The following CPNE4 variants were observed in gnomAD, a reference collection of about 807,000 sequenced individuals.
CPNE4 encodes copine 4.
CPNE4 carries 25 observed loss-of-function variants against 67.9 expected under a neutral mutation model. The observed-to-expected ratio is 0.37, with a 90% CI of 0.27 to 0.51. CPNE4 has a LOEUF of 0.51. Among genes scored for constraint, CPNE4 ranks in the 20% least tolerant of loss-of-function variants. CPNE4 has a pLI of 0.93. For missense variants in CPNE4, 464 were observed against 690.8 expected (o/e 0.67, Z 3.68); for synonymous variants, 242 against 244.9 (o/e 0.99, Z 0.11).
chr3:131,980,896 AG>A (rs1330065911), intron 1 of CPNE4, among the ~76,000 whole-genome samples: 4 of 152,210 alleles, frequency 2.6e-5, no homozygotes, highest in East Asian at 1.9e-4. Flanking sequence ...CCCTTGTTGT[AG>A]TACTCTCCCC....
At chr3:131,558,417 A>G (rs1936583056) in intron 11 of CPNE4, among the ~76,000 whole-genome samples, 1 of 152,062 alleles carries the variant, frequency 6.6e-6, no homozygotes, top group Non-Finnish European at 1.5e-5. Flanking sequence ...GCAAAGGGCC[A>G]TTTAGCAACT....
At chr3:131,702,869 A>G (rs1471937960) in intron 3 of CPNE4, among the ~76,000 whole-genome samples, 1 of 152,236 alleles carries the variant, frequency 6.6e-6, no homozygotes, top group Non-Finnish European at 1.5e-5. Context: ...CTAGGAAGAT[A>G]AGCAATTTCC....
At chr3:131,838,292 A>ATC (rs1315662243) in intron 2 of CPNE4, among the ~76,000 whole-genome samples, 3 of 152,000 alleles carry the variant, frequency 2.0e-5, no homozygotes, top group Non-Finnish European at 4.4e-5. Context: ...TTCAATATAT[A>ATC]TTAGAAAAAA....
At chr3:131,641,488 G>T (rs1378929716) in intron 7 of CPNE4, among the ~76,000 whole-genome samples, 1 of 152,052 alleles carries the variant, frequency 6.6e-6, no homozygotes, top group Non-Finnish European at 1.5e-5. Flanking sequence ...CTGCAAAAAT[G>T]GCCATGATAA....
intron 2 of CPNE4, among the ~76,000 whole-genome samples, chr3:131,726,757 G>C (rs2107752659): frequency 8.4e-6 from 1 of 119,560 alleles, no homozygotes; most frequent in East Asian, 2.7e-4. Flanking sequence ...TCAGATTCCT[G>C]TTTCCTAACC....
In CPNE4 at chr3:131,949,064, T is replaced by G. The variant is rs908701459; in HGVS notation, c.-1-43620A>C. On this transcript the variant is annotated intron_variant, in intron 1 of 15. Transcript: ENST00000429747. ...ATTTTTTTCTTATCTGTAGAGATAA[T>G]ATAAACCTTGCAGGGTATTGTCATG... is the stretch of plus-strand genomic sequence containing the variant. Among the ~76,000 whole-genome samples the G allele has an allele frequency of 5.9e-5, 9 of 152,322 alleles. No individual in the cohort carries two copies. The East Asian group carries it at 9.6e-4, about 16-fold the overall frequency.
rs2086512487 is a variant in CPNE4 at position 131,857,850 on chromosome 3, C to T, written c.180+47414G>A. Among the ~76,000 whole-genome samples the T allele has an allele frequency of 3.9e-5, 6 of 151,942 alleles. No homozygotes were observed. In the South Asian group the frequency reaches 1.2e-3, roughly 31 times the overall value. ...AAATCCAATACAATCCTCATTTCTC[C>T]TAACAACATAGCAATTTCCAGCAGG... On this transcript the variant is annotated intron_variant, in intron 2 of 15. Transcript: ENST00000429747.
intron 1 of CPNE4, among the ~76,000 whole-genome samples, chr3:131,986,306 C>T (rs1328524859): frequency 6.6e-6 from 1 of 152,144 alleles, no homozygotes; most frequent in Non-Finnish European, 1.5e-5. Flanking sequence ...TTCAAGCTAC[C>T]AACATGATGT....
chr3:131,873,721 T>A (rs550010221), intron 2 of CPNE4, among the ~76,000 whole-genome samples: 1 of 152,308 alleles, frequency 6.6e-6, no homozygotes, highest in Non-Finnish European at 1.5e-5. Context: ...TCTAGAAGGA[T>A]GACTGACCCA....
Position 131,976,605 on chromosome 3 carries a change from CA to C in CPNE4, c.-2+57961del, listed in dbSNP as rs556901107. On this transcript the variant is annotated intron_variant, in intron 1 of 15. Transcript: ENST00000429747. ...AGAGGAAAAGCAATTAAGGGAAGCT[CA>C]GGGGGAGAAATCATAAAAAAAGATC... 1.1e-4 allele frequency among the ~76,000 whole-genome samples: 16 copies of C among 151,998 alleles called. No individual in the cohort carries two copies. In the East Asian group the frequency reaches 3.1e-3, roughly 29 times the overall value.
intron 2 of CPNE4, among the ~76,000 whole-genome samples, chr3:131,848,907 G>A (rs1357643202): frequency 7.6e-6 from 1 of 131,108 alleles, no homozygotes; most frequent in Non-Finnish European, 1.6e-5. Flanking sequence ...ATTGAAGAAG[G>A]CGTTTTTTTT....
chr3:131,947,388 C>T (rs746521888), intron 1 of CPNE4, among the ~76,000 whole-genome samples: 4 of 152,088 alleles, frequency 2.6e-5, no homozygotes, highest in Non-Finnish European at 5.9e-5. Context: ...TCTCCCCTTT[C>T]CTCCCACCCC....
intron 5 of CPNE4, among the ~76,000 whole-genome samples, chr3:131,694,048 C>A (rs1328042989): frequency 2.0e-5 from 3 of 152,060 alleles, no homozygotes; most frequent in African/African-American, 7.2e-5. Flanking sequence ...CTGGGGGCTA[C>A]CAGAGTTACT....
intron 1 of CPNE4, among the ~76,000 whole-genome samples, chr3:131,920,345 G>T (rs987213831): frequency 1.3e-5 from 2 of 151,810 alleles, no homozygotes; most frequent in African/African-American, 2.4e-5. Context: ...AAATTTTCAC[G>T]ACCTCCCCCT....
At chr3:131,540,312 C>G (rs759724153) in intron 15 of CPNE4, among the ~76,000 whole-genome samples, 7 of 152,178 alleles carry the variant, frequency 4.6e-5, no homozygotes, top group Non-Finnish European at 1.0e-4. Flanking sequence ...AATACCTCAT[C>G]ATCCAAGGAG....
chr3:131,964,932 C>T (rs2072299368), intron 1 of CPNE4, among the ~76,000 whole-genome samples: 1 of 152,016 alleles, frequency 6.6e-6, no homozygotes, highest in Non-Finnish European at 1.5e-5. Context: ...TCAGATTCTC[C>T]AAGGTTGAAA....
intron 1 of CPNE4, among the ~76,000 whole-genome samples, chr3:131,907,501 GACAC>G (rs3041560): frequency 6.6e-5 from 10 of 151,128 alleles, no homozygotes; most frequent in Non-Finnish European, 1.0e-4. Flanking sequence ...GCATCACACA[GACAC>G]ACACACACAC....
chr3:131,722,351 TGA>T (rs1326509661), intron 3 of CPNE4, among the ~76,000 whole-genome samples: 1 of 152,144 alleles, frequency 6.6e-6, no homozygotes, highest in Non-Finnish European at 1.5e-5. Flanking sequence ...GGGGCCCACA[TGA>T]GAGAGGGGAT....
intron 2 of CPNE4, among the ~76,000 whole-genome samples, chr3:131,766,968 G>C (rs1306031058): frequency 1.3e-5 from 2 of 152,104 alleles, no homozygotes; most frequent in Non-Finnish European, 2.9e-5. Flanking sequence ...GCTAACATTG[G>C]GATGGAGACA....
Sources: gnomAD v4.1 joint callset for allele counts (sites outside exome capture counted in the v4.1 genomes callset) on GRCh38, gnomAD v4.1.1 for gene constraint, MANE v1.5 for transcripts, NCBI Gene and HGNC (gene_info 2026-07-23, HGNC 2026-07-21) for gene names.